The following RUBCN variants were observed in gnomAD, a reference collection of about 807,000 sequenced individuals.
RUBCN encodes the protein rubicon autophagy regulator, also known as run domain Beclin-1-interacting and cysteine-rich domain-containing protein.
In RUBCN, 74 loss-of-function variants were observed where a neutral mutation model predicts 113.2. The ratio of observed to expected loss-of-function variants is 0.65; its 90% CI spans 0.54 to 0.79. The LOEUF (loss-of-function observed/expected upper bound fraction) is 0.79. Ranked by LOEUF, RUBCN falls within the 30% of genes least tolerant of loss-of-function variation. The pLI is 0.00. For synonymous variants in RUBCN, 480 were observed against 490.0 expected, an observed-to-expected ratio of 0.98 and a Z score of 0.27; for missense variants, 1,109 against 1,251.7, an observed-to-expected ratio of 0.89 and a Z score of 1.72.
chr3:197,719,752 G>A (rs1409469045), intron 1 of RUBCN, among the ~76,000 whole-genome samples: 2 of 152,114 alleles, frequency 1.3e-5, no homozygotes, highest in Non-Finnish European at 2.9e-5. Context: ...TCATGTAGAA[G>A]AAAACTTCTG....
chr3:197,710,300 A>G (rs1183175942), intron 2 of RUBCN, among the ~76,000 whole-genome samples: 1 of 152,134 alleles, frequency 6.6e-6, no homozygotes, highest in Non-Finnish European at 1.5e-5. Flanking sequence ...AAAAGCCACC[A>G]TAAGAAATGT....
At chr3:197,698,946 C>G (rs139017997) in intron 7 of RUBCN, among the ~76,000 whole-genome samples, 33 of 151,672 alleles carry the variant, frequency 2.2e-4, no homozygotes, top group African/African-American at 8.0e-4. Context: ...TTGGGCAAAA[C>G]TGAATTGATA....
intron 16 of RUBCN, among the ~76,000 whole-genome samples, chr3:197,680,500 A>C (rs1265425948): frequency 3.4e-5 from 5 of 146,342 alleles, no homozygotes; most frequent in Non-Finnish European, 7.5e-5. Flanking sequence ...CTCTAACTCG[A>C]CAAGTGGCTT....
upstream of RUBCN, chr3:197,736,936 C>A: frequency 7.5e-7 from 1 of 1,339,660 alleles, no homozygotes; most frequent in East Asian, 3.2e-5. Context: ...CTACAGCCCC[C>A]GGCGAGCACT....
rs1454077729 is a variant in RUBCN at position 197,674,794 on chromosome 3, TG to T, written c.*223del. ...GCATGTCAGTTCTGATGGAAACACC[TG>T]GTGTTTACAAATTATCTGTCACCAC... is the stretch of plus-strand genomic sequence containing the variant. On this transcript the variant is annotated 3_prime_UTR_variant, in exon 20 of 20. Coordinates refer to ENST00000296343, the MANE Select transcript of RUBCN (RefSeq NM_014687.4). 13 of 536,494 alleles carry T rather than the reference TG, an allele frequency of 2.4e-5. No individual in the cohort carries two copies. The highest frequency in any genetic ancestry group is 3.9e-5 in the Non-Finnish European group (12 of 307,492). The allele number at this position is 536,494 out of a possible 1,614,324, so 33.2% of individuals were successfully genotyped here.
At chr3:197,686,357 T>G (rs759568922) in intron 11 of RUBCN, among the ~76,000 whole-genome samples, 1 of 151,956 alleles carries the variant, frequency 6.6e-6, no homozygotes, top group Non-Finnish European at 1.5e-5. Flanking sequence ...AGGTCGGAGG[T>G]ACATGCAGGG....
intron 2 of RUBCN, among the ~76,000 whole-genome samples, chr3:197,707,144 C>A (rs1280439790): frequency 1.5e-4 from 22 of 142,662 alleles, no homozygotes; most frequent in African/African-American, 6.7e-4. Flanking sequence ...GAGGTCAAGA[C>A]CACAGTGAAA....
chr3:197,680,368 G>C lies in RUBCN; in HGVS notation c.2430+761C>G, dbSNP rs545221429. Reference sequence around the variant, plus strand: ...CTGTCCTACGCTCTAACTGACAACTGGCTCCAGACTGTCCTGTGCTCTAAC... The same window carrying C: ...CTGTCCTACGCTCTAACTGACAACTCGCTCCAGACTGTCCTGTGCTCTAAC... On this transcript the variant is annotated intron_variant, in intron 16 of 19. Transcript: ENST00000296343. 4.8e-3 allele frequency among the ~76,000 whole-genome samples: 692 copies of C among 143,606 alleles called. 5 individuals carry two copies. Among genetic ancestry groups the C allele is most frequent in the Middle Eastern group, 0.02 (5 of 250 alleles). 94.2% of individuals were successfully genotyped at this position (143,606 alleles called of 152,430 possible).
intron 1 of RUBCN, among the ~76,000 whole-genome samples, chr3:197,725,520 C>CTTTTTTTTTTTTTTTT (rs10718685): frequency 2.7e-5 from 2 of 75,316 alleles, no homozygotes; most frequent in Admixed American, 2.1e-4. Context: ...ACAGGAGAAT[C>CTTTTTTTTTTTTTTTT]TTTTTTTTTT....
intron 1 of RUBCN, among the ~76,000 whole-genome samples, chr3:197,747,390 CT>C (rs397937984): frequency 3.1e-3 from 453 of 143,850 alleles, no homozygotes; most frequent in Admixed American, 3.6e-3. Context: ...AAAAGAGAAT[CT>C]TTTTTTTTTT....
chr3:197,686,248 C>A (rs761144843), intron 11 of RUBCN, among the ~76,000 whole-genome samples: 1 of 150,460 alleles, frequency 6.6e-6, no homozygotes, highest in African/African-American at 2.5e-5. Flanking sequence ...AGAGAAGAAA[C>A]CTTTTTTTTT....
rs74746423 is a variant in RUBCN, at chr3:197,681,701, C to T, written c.2191+134G>A. ...CGATTGCCAGCACTCTTGCCTACTA[C>T]GAACCTTTCTTTCTCCTTCCCTACT... On this transcript the variant is annotated intron_variant, in intron 15 of 19. Transcript: ENST00000296343. The surrounding 1 kb of genome is among the most constrained non-coding windows in gnomAD (Gnocchi z 5.5). 8.2e-4 allele frequency: 650 copies of T among 789,256 alleles called. 3 individuals carry two copies. The highest frequency in any genetic ancestry group is 8.1e-3 in the African/African-American group (477 of 58,952). The allele number at this position is 789,256 out of a possible 1,614,324, so 48.9% of individuals were successfully genotyped here.
Position 197,681,211 on chromosome 3 carries a change from T to A in RUBCN, c.2348A>T (p.Lys783Met). 1 of 1,614,162 alleles carries A rather than the reference T, an allele frequency of 6.2e-7. No homozygotes were observed. Residue 783 changes from lysine (K) to methionine (M), a missense_variant, in exon 16 of 20, where the codon AAG becomes ATG. Lys to Met is a moderately conservative substitution (Grantham distance 95, BLOSUM62 -1). This residue lies in a region of RUBCN where 306 missense variants were observed against 348.9 expected (regional missense o/e 0.88). Transcript: ENST00000296343. This position sits in a 1 kb window ranked among gnomAD's most constrained non-coding sequence, Gnocchi z 5.5. ...VSNFSKDLLIKIWNDPLFNVQ... is the reference protein window; with the variant it reads ...VSNFSKDLLIMIWNDPLFNVQ... ...GTTGAAGAGAGGATCATTCCAGATC[T>A]TAATGAGCAGGTCCTTGGAGAAGTT... is the stretch of plus-strand genomic sequence containing the variant.
chr3:197,677,626 T>A, intron 16 of RUBCN, 85 bp from the exon 17 acceptor site: 4 of 1,266,574 alleles, frequency 3.2e-6, no homozygotes, highest in Non-Finnish European at 4.6e-6. Context: ...CTTTAAACCC[T>A]GGGGTTCTAG....
chr3:197,678,827 C>T (rs934355890), intron 16 of RUBCN, among the ~76,000 whole-genome samples: 2 of 150,970 alleles, frequency 1.3e-5, no homozygotes, highest in East Asian at 2.0e-4. Context: ...TCCAGACTGT[C>T]GTACGCTCTA....
intron 2 of RUBCN, among the ~76,000 whole-genome samples, chr3:197,713,105 C>T (rs146650947): frequency 0.031 from 4,789 of 152,202 alleles, 116 homozygotes; most frequent in Non-Finnish European, 0.046. Context: ...GTGATCTGCC[C>T]GCCTCAGTCT....
At chr3:197,729,670 T>C (rs1281751290) in intron 1 of RUBCN, among the ~76,000 whole-genome samples, 2 of 152,164 alleles carry the variant, frequency 1.3e-5, no homozygotes, top group Non-Finnish European at 2.9e-5. Flanking sequence ...GCAATTCTCC[T>C]GCCTAGCCTC....
intron 1 of RUBCN, among the ~76,000 whole-genome samples, chr3:197,719,064 A>G (rs1431461160): frequency 6.6e-6 from 1 of 152,150 alleles, no homozygotes; most frequent in Non-Finnish European, 1.5e-5. Flanking sequence ...CAGTTTTCCC[A>G]TGTGCCAACA....
In RUBCN at chr3:197,683,878, C is replaced by A. The variant is rs773562073; in HGVS notation, c.1847+279G>T. ...TCATAACCAAAAACCATCATCACTG[C>A]TCTCTTTTGAGACCTTCTGGGGCCT... On this transcript the variant is annotated intron_variant, in intron 12 of 19. Coordinates refer to ENST00000296343, the MANE Select transcript of RUBCN (RefSeq NM_014687.4). The surrounding 1 kb of genome is among the most constrained non-coding windows in gnomAD (Gnocchi z 4.6). Among the ~76,000 whole-genome samples the A allele has an allele frequency of 6.6e-6, 1 of 152,184 alleles. No individual in the cohort carries two copies. The highest frequency in any genetic ancestry group is 2.4e-5 in the African/African-American group (1 of 41,438).
Sources: gnomAD v4.1 joint callset for allele counts (sites outside exome capture counted in the v4.1 genomes callset) on GRCh38, gnomAD v4.1.1 for gene constraint, gnomAD v4.1.1 regional missense constraint, Gnocchi (gnomAD v3.1) non-coding constraint, MANE v1.5 for transcripts, NCBI Gene and HGNC (gene_info 2026-07-23, HGNC 2026-07-21) for gene names.